The following CDH4 variants were observed in gnomAD, a reference collection of about 807,000 sequenced individuals.
The protein encoded by CDH4 is cadherin 4, also known as cadherin-4.
In CDH4, 33 loss-of-function variants were observed where a neutral mutation model predicts 86.0. The observed-to-expected ratio is 0.38, with a 90% CI of 0.29 to 0.51. The LOEUF is 0.51. CDH4 is among the 20% of genes least tolerant of loss of function. The pLI is 0.86. For missense variants in CDH4, 1,114 were observed against 1,307.4 expected, an observed-to-expected ratio of 0.85 and a Z score of 2.28; for synonymous variants, 555 against 549.4, an observed-to-expected ratio of 1.01 and a Z score of -0.14.
At chr20:61,769,687 C>A (rs75349356) in intron 3 of CDH4, among the ~76,000 whole-genome samples, 10,218 of 152,226 alleles carry the variant, frequency 0.067, 409 homozygotes, top group Non-Finnish European at 0.088. Flanking sequence ...GTGCTCCCCG[C>A]TGAACTGGTG....
At chr20:61,692,154 T>C (rs1422870330) in intron 2 of CDH4, among the ~76,000 whole-genome samples, 3 of 151,398 alleles carry the variant, frequency 2.0e-5, no homozygotes, top group Admixed American at 1.3e-4. Context: ...TGTGTGTATG[T>C]ATGTGTGTCT....
rs115090896 is a variant in CDH4, at chr20:61,509,296, A to C, written c.170-234267A>C. ...CGCCTAAACTATGCCTCCTGCCCTC[A>C]GAGGGACCCGCCCACGGAGGGACTC... On this transcript the variant is annotated intron_variant, in intron 2 of 15. Transcript: ENST00000614565. Among the ~76,000 whole-genome samples the C allele has an allele frequency of 4.8e-3, 732 of 151,966 alleles. 6 individuals carry two copies. Among genetic ancestry groups the C allele is most frequent in the African/African-American group, 0.017 (709 of 41,416 alleles).
chr20:61,927,249 G>A (rs901824691), intron 11 of CDH4, among the ~76,000 whole-genome samples: 5 of 152,188 alleles, frequency 3.3e-5, no homozygotes, highest in African/African-American at 4.8e-5. Flanking sequence ...CGCCACCACC[G>A]CCGCCTCCAA....
intron 2 of CDH4, among the ~76,000 whole-genome samples, chr20:61,590,663 C>T (rs1437271260): frequency 6.6e-6 from 1 of 151,990 alleles, no homozygotes; most frequent in South Asian, 2.1e-4. Flanking sequence ...GCCTCCCAGC[C>T]TGGGGACTTG....
chr20:61,740,010 C>T (rs917858250), intron 2 of CDH4, among the ~76,000 whole-genome samples: 1 of 152,218 alleles, frequency 6.6e-6, no homozygotes, highest in Non-Finnish European at 1.5e-5. Flanking sequence ...GGGCACTTTT[C>T]TGTTGTCCTC....
At chr20:61,279,846 A>C (rs999418016) in intron 2 of CDH4, among the ~76,000 whole-genome samples, 10 of 152,140 alleles carry the variant, frequency 6.6e-5, no homozygotes, top group African/African-American at 2.4e-4. Flanking sequence ...GTTGTGAGTA[A>C]CGGGGTGATT....
At chr20:61,329,541 C>G (rs970499996) in intron 2 of CDH4, among the ~76,000 whole-genome samples, 6 of 152,054 alleles carry the variant, frequency 3.9e-5, no homozygotes, top group Non-Finnish European at 8.8e-5. Flanking sequence ...CTCTCTCTCT[C>G]TCTCTCCTGC....
chr20:61,431,384 G>A (rs1057450711), intron 2 of CDH4, among the ~76,000 whole-genome samples: 9 of 141,594 alleles, frequency 6.4e-5, no homozygotes, highest in African/African-American at 2.4e-4. Context: ...TTTTGAGACA[G>A]GGTCTTGCTA....
At position 61,842,561 on chromosome 20, in the gene CDH4, A is replaced by G. The variant is rs6061857; in HGVS notation, c.577-2107A>G. Among the ~76,000 whole-genome samples, 1,181 of 152,376 alleles carry G rather than the reference A, an allele frequency of 7.8e-3. 12 individuals carry two copies. The highest frequency in any genetic ancestry group is 0.027 in the African/African-American group (1,103 of 41,574). On this transcript the variant is annotated intron_variant, in intron 4 of 15. Transcript: ENST00000614565. ...TTTAAATTGTATATTTTCTCAAAAA[A>G]TAATCAATTTCATACAATTTTCACC...
chr20:61,706,646 G>A (rs1202502838), intron 2 of CDH4, among the ~76,000 whole-genome samples: 1 of 152,126 alleles, frequency 6.6e-6, no homozygotes, highest in African/African-American at 2.4e-5. Flanking sequence ...AAAGGGATCG[G>A]TTTCTCCCGA....
chr20:61,343,634 G>C (rs911090220), intron 2 of CDH4, among the ~76,000 whole-genome samples: 1 of 152,204 alleles, frequency 6.6e-6, no homozygotes, highest in Non-Finnish European at 1.5e-5. Context: ...AATGACCCCA[G>C]GGTCTCAGTG....
Position 61,565,270 on chromosome 20 carries a change from TCCTCTTGGTGATGGGGTGATGGTGGTGGC to T in CDH4, c.170-178292_170-178264del, listed in dbSNP as rs1293757066. On this transcript the variant is annotated intron_variant, in intron 2 of 15. Transcript: ENST00000614565. The stretch of plus-strand genomic sequence containing the variant: ...GTGCTCTTGGTGATGGTGGTGGTGG[TCCTCTTGGTGATGGGGTGATGGTGGTGGC>T]GGTGCTCTTGGTGGTGGCGGTGCTC... Among the ~76,000 whole-genome samples, 46 of 116,648 alleles carry T rather than the reference TCCTCTTGGTGATGGGGTGATGGTGGTGGC, an allele frequency of 3.9e-4. 5 individuals are homozygous for T. Among genetic ancestry groups the T allele is most frequent in the Admixed American group, 4.4e-4 (5 of 11,326 alleles). 76.5% of individuals were successfully genotyped at this position (116,648 alleles called of 152,430 possible). A position where few individuals can be genotyped will look rare whatever the true frequency, so the allele number is the denominator to read the frequency against.
intron 2 of CDH4, among the ~76,000 whole-genome samples, chr20:61,655,752 G>A (rs920736321): frequency 3.3e-5 from 5 of 152,232 alleles, no homozygotes; most frequent in African/African-American, 9.6e-5. Flanking sequence ...TGGGCATGGG[G>A]ATGCTGCAGG....
chr20:61,774,781 T>C (rs55957901), intron 4 of CDH4, among the ~76,000 whole-genome samples: 2,309 of 152,242 alleles, frequency 0.015, 21 homozygotes, highest in Non-Finnish European at 0.021. Context: ...TGGTGTTTGG[T>C]TTTCTGTTCC....
intron 8 of CDH4, among the ~76,000 whole-genome samples, chr20:61,895,486 G>A (rs1369853614): frequency 6.6e-6 from 1 of 152,226 alleles, no homozygotes; most frequent in African/African-American, 2.4e-5. Flanking sequence ...GTTGTGACTG[G>A]GCCCCATACC....
chr20:61,898,502 G>C (rs543029901), intron 8 of CDH4, among the ~76,000 whole-genome samples: 1 of 152,122 alleles, frequency 6.6e-6, no homozygotes, highest in East Asian at 1.9e-4. Flanking sequence ...AACACCGATG[G>C]GTCCTGCAGT....
intron 2 of CDH4, among the ~76,000 whole-genome samples, chr20:61,714,172 A>G (rs904392454): frequency 4.6e-5 from 7 of 151,864 alleles, no homozygotes; most frequent in African/African-American, 1.7e-4. Flanking sequence ...TCAGCCTCCC[A>G]AGTAGCTGGA....
intron 2 of CDH4, among the ~76,000 whole-genome samples, chr20:61,492,936 G>T (rs1291427448): frequency 6.6e-6 from 1 of 152,202 alleles, no homozygotes; most frequent in East Asian, 1.9e-4. Flanking sequence ...AGCCAAGTTG[G>T]CAGTGGAGGT....
intron 2 of CDH4, among the ~76,000 whole-genome samples, chr20:61,335,343 A>G (rs2084611423): frequency 6.6e-6 from 1 of 152,242 alleles, no homozygotes; most frequent in Non-Finnish European, 1.5e-5. Flanking sequence ...TAAAGTATTT[A>G]AAGATTACAG....
Sources: allele counts gnomAD v4.1 joint callset (sites outside exome capture counted in the v4.1 genomes callset), GRCh38; gene constraint gnomAD v4.1.1; transcripts MANE v1.5; gene names NCBI Gene and HGNC (gene_info 2026-07-23, HGNC 2026-07-21).